The following RAET1E variants were observed in gnomAD, a reference collection of about 807,000 sequenced individuals.
RAET1E encodes the protein retinoic acid early transcript 1E, also known as NKG2D ligand 4.
Under a neutral mutation model 21.1 loss-of-function variants are expected in RAET1E, and 27 were observed. The ratio of observed to expected loss-of-function variants is 1.28; its 90% CI spans 0.94 to 1.76. RAET1E has a LOEUF of 1.76. RAET1E is among the 40% of genes most tolerant of loss of function. The pLI is 0.00. For synonymous variants in RAET1E, 113 were observed against 115.0 expected (o/e 0.98, Z 0.11); for missense variants, 310 against 311.3 (o/e 1.00, Z 0.03).
chr6:149,891,640 A>C (rs1430050382), intron 2 of RAET1E, among the ~76,000 whole-genome samples: 1 of 152,176 alleles, frequency 6.6e-6, no homozygotes, highest in African/African-American at 2.4e-5. Context: ...TAATCCCAGC[A>C]CTTTGGGAGG....
chr6:149,889,145 C>A, intron 5 of RAET1E: 2 of 1,437,742 alleles, frequency 1.4e-6, no homozygotes, highest in Non-Finnish European at 1.8e-6. Context: ...GAAGGGGTTT[C>A]TACACTGAGG....
Position 149,885,075 on chromosome 6 carries a change from C to A in RAET1E, c.*3423G>T, listed in dbSNP as rs1274480684. On this transcript the variant is annotated 3_prime_UTR_variant, in exon 6 of 6. Coordinates refer to ENST00000357183, the MANE Select transcript of RAET1E (RefSeq NM_001394057.1). ...CATTATGTCCTCCTAGGAATTAAAC[C>A]TAGAGACCCCTCAACCTTTGGCATG... Among the ~76,000 whole-genome samples, 1 of 152,168 alleles carries A rather than the reference C, an allele frequency of 6.6e-6. No individual in the cohort carries two copies. The highest frequency in any genetic ancestry group is 1.9e-4 in the East Asian group (1 of 5,196).
intron 2 of RAET1E, among the ~76,000 whole-genome samples, chr6:149,893,114 T>C (rs1269183383): frequency 6.6e-6 from 1 of 152,240 alleles, no homozygotes. Context: ...ACTTGTAGTA[T>C]AGCTTGAAGT....
Position 149,889,587 on chromosome 6 carries a change from C to T in RAET1E, c.383G>A (p.Arg128His), listed in dbSNP as rs6925151. Residue 128 changes from arginine (R) to histidine (H), a missense_variant, in exon 5 of 6, where the codon CGT becomes CAT. Coordinates refer to ENST00000357183, the MANE Select transcript of RAET1E (RefSeq NM_001394057.1). The part of the protein sequence containing the change: ...STLQVEMFCQ[R>H]EAERCTGASW... ...TGCACCAGTGCACCGTTCTGCTTCA[C>T]GTTGACAAAACATCTCGACTTGCAG... is the stretch of plus-strand genomic sequence containing the variant. The T allele has an allele frequency of 0.27, 430,802 of 1,613,698 alleles. 59,040 individuals are homozygous for T. Among genetic ancestry groups the T allele is most frequent in the Admixed American group, 0.39 (23,690 of 60,006 alleles).
At chr6:149,896,224 T>C (rs9371544) in intron 1 of RAET1E, 192 bp from the exon 2 acceptor site, 62,604 of 151,910 alleles carry the variant, frequency 0.41, 13,739 homozygotes, top group East Asian at 0.87. Flanking sequence ...CTAGGGCCCT[T>C]ATGATGCCTG....
intron 5 of RAET1E, chr6:149,889,132 T>C: frequency 1.4e-6 from 2 of 1,430,590 alleles, no homozygotes; most frequent in African/African-American, 2.9e-5. Flanking sequence ...CATTGGTTAA[T>C]GGGAAGGGGT....
Position 149,888,277 on chromosome 6 carries a change from G to A in RAET1E, c.*221C>T. 2.8e-6 allele frequency: 2 copies of A among 717,788 alleles called. No homozygotes were observed. Among genetic ancestry groups the A allele is most frequent in the Non-Finnish European group, 5.0e-6 (2 of 400,266 alleles). The allele number at this position is 717,788 out of a possible 1,614,324, so 44.5% of individuals were successfully genotyped here. A position where few individuals can be genotyped will look rare whatever the true frequency, so the allele number is the denominator to read the frequency against. On this transcript the variant is annotated 3_prime_UTR_variant, in exon 6 of 6. Transcript: ENST00000357183. The stretch of plus-strand genomic sequence containing the variant: ...TGAAACCTGGGCCGGATGGCAAGGA[G>A]ACAACACCCCAGGCAGGCGTTCCAG...
chr6:149,889,642 G>GCCATCATCCTCCACTCTTTGAGAAGT lies in RAET1E; in HGVS notation c.347-45_347-20dup. The GCCATCATCCTCCACTCTTTGAGAAGT allele has an allele frequency of 6.2e-7, 1 of 1,612,586 alleles. No homozygotes were observed. Among genetic ancestry groups the GCCATCATCCTCCACTCTTTGAGAAGT allele is most frequent in the Middle Eastern group, 1.7e-4 (1 of 6,054 alleles). ...GAAGGATCTGCAATCCAAACACAAA[G>GCCATCATCCTCCACTCTTTGAGAAGT]CCATCATCCTCCACTCTTTGAGAAG... On this transcript the variant is annotated intron_variant, in intron 4 of 5. Transcript: ENST00000357183.
Position 149,887,991 on chromosome 6 carries a change from C to T in RAET1E, c.*507G>A, listed in dbSNP as rs959235133. Among the ~76,000 whole-genome samples, 6 of 152,206 alleles carry T rather than the reference C, an allele frequency of 3.9e-5. No homozygotes were observed. Among genetic ancestry groups the T allele is most frequent in the East Asian group, 3.9e-4 (2 of 5,162 alleles). On this transcript the variant is annotated 3_prime_UTR_variant, in exon 6 of 6. Coordinates refer to ENST00000357183, the MANE Select transcript of RAET1E (RefSeq NM_001394057.1). ...CCGAGGCGGGAGCATCACCTGAGGT[C>T]GGGAGTTCAAGACGAGCCTGACCAA...
chr6:149,889,494 A>G lies in RAET1E; in HGVS notation c.476T>C (p.Val159Ala). The change falls in exon 5 of 6, where the codon GTA becomes GCA. Residue 159 changes from valine (V) to alanine (A), a missense_variant. Transcript: ENST00000357183. ...LFDAMNMTWT[V>A]INHEASKIKE... ...GATCTTACTGGCTTCATGATTAATT[A>G]CTGTCCAGGTCATGTTCATTGCGTC... is the stretch of plus-strand genomic sequence containing the variant. 7 of 1,614,110 alleles carry G rather than the reference A, an allele frequency of 4.3e-6. No homozygotes were observed. The highest frequency in any genetic ancestry group is 5.9e-6 in the Non-Finnish European group (7 of 1,180,016).
Position 149,888,178 on chromosome 6 carries a change from A to C in RAET1E, c.*320T>G. 1.7e-6 allele frequency: 1 copy of C among 585,442 alleles called. No homozygotes were observed. The highest frequency in any genetic ancestry group is 4.2e-5 in the East Asian group (1 of 23,598). 36.3% of individuals were successfully genotyped at this position (585,442 alleles called of 1,614,324 possible). On this transcript the variant is annotated 3_prime_UTR_variant, in exon 6 of 6. Transcript: ENST00000357183. ...GCAAGTCTTCTCAGGGTGAACGGGA[A>C]AAGGGGATGGGACCTGCTGAGCTAA...
rs1420256964 is a variant in RAET1E, at chr6:149,887,748, T to C, written c.*750A>G. ...AGAGCTCTACTTAACTTTTCCAAAT[T>C]GCTGTACTTGAAAATGTTGAGGTCT... On this transcript the variant is annotated 3_prime_UTR_variant, in exon 6 of 6. Transcript: ENST00000357183. Among the ~76,000 whole-genome samples, 1 of 152,136 alleles carries C rather than the reference T, an allele frequency of 6.6e-6. No individual in the cohort carries two copies. The highest frequency in any genetic ancestry group is 1.5e-5 in the Non-Finnish European group (1 of 68,016).
chr6:149,892,171 T>C (rs1168586096), intron 2 of RAET1E, among the ~76,000 whole-genome samples: 1 of 152,216 alleles, frequency 6.6e-6, no homozygotes, highest in African/African-American at 2.4e-5. Context: ...TAAACATACG[T>C]GTGCGTGTGT....
At chr6:149,890,516 G>A (rs992740608) in intron 3 of RAET1E, among the ~76,000 whole-genome samples, 1 of 152,178 alleles carries the variant, frequency 6.6e-6, no homozygotes, top group East Asian at 1.9e-4. Context: ...GGAAAAAGAG[G>A]CATTTATCAC....
rs930388958 is a variant in RAET1E, at chr6:149,890,906, T to G, written c.-5A>C. 9 of 1,603,010 alleles carry G rather than the reference T, an allele frequency of 5.6e-6. No individual in the cohort carries two copies. Among genetic ancestry groups the G allele is most frequent in the Admixed American group, 5.0e-5 (3 of 59,988 alleles). ...AGTCAGGGATATTCTTCGCATACTG[T>G]GGAGAGTAACAGGCAGGAAGCTGGG... On this transcript the variant is annotated 5_prime_UTR_variant, in exon 3 of 6. Transcript: ENST00000357183.
At chr6:149,893,546 G>T (rs1777996031) in intron 2 of RAET1E, among the ~76,000 whole-genome samples, 1 of 152,224 alleles carries the variant, frequency 6.6e-6, no homozygotes, top group Non-Finnish European at 1.5e-5. Context: ...TTTGCACATT[G>T]ATTTTGTATC....
At chr6:149,889,049 A>C in intron 5 of RAET1E, 16 of 1,336,108 alleles carry the variant, frequency 1.2e-5, no homozygotes, top group South Asian at 1.8e-5. Flanking sequence ...TAATAGAGGA[A>C]GAGAAGGCCT....
intron 1 of RAET1E, among the ~76,000 whole-genome samples, chr6:149,896,438 T>A (rs1778116123): frequency 6.6e-6 from 1 of 152,206 alleles, no homozygotes; most frequent in African/African-American, 2.4e-5. Flanking sequence ...CTCTGTCTGC[T>A]AAGGTTAAAG....
chr6:149,894,674 C>T (rs551708193), intron 2 of RAET1E, among the ~76,000 whole-genome samples: 22 of 152,244 alleles, frequency 1.4e-4, no homozygotes, highest in African/African-American at 4.3e-4. Flanking sequence ...AGCAATTCGA[C>T]TAACCTTTTT....
Sources: gnomAD v4.1 joint callset for allele counts (sites outside exome capture counted in the v4.1 genomes callset) on GRCh38, gnomAD v4.1.1 for gene constraint, MANE v1.5 for transcripts, NCBI Gene and HGNC (gene_info 2026-07-23, HGNC 2026-07-21) for gene names.